ZNF385D: variants seen among roughly 807,000 people sequenced by gnomAD.
ZNF385D encodes zinc finger protein 385D.
Under a neutral mutation model 35.8 loss-of-function variants are expected in ZNF385D, and 15 were observed. The ratio of observed to expected loss-of-function variants is 0.42; its 90% confidence interval spans 0.28 to 0.64. ZNF385D has a LOEUF of 0.64. Among genes scored for constraint, ZNF385D ranks in the 30% least tolerant of loss-of-function variants. ZNF385D has a pLI of 0.23. For missense variants in ZNF385D, 474 were observed against 494.6 expected (o/e 0.96, Z 0.39); for synonymous variants, 212 against 186.8 (o/e 1.13, Z -1.10).
chr3:21,632,077 C>A (rs1226327939), intron 2 of ZNF385D, among the ~76,000 whole-genome samples: 4 of 152,014 alleles, frequency 2.6e-5, no homozygotes, highest in Non-Finnish European at 4.4e-5. Flanking sequence ...AGGCACTATT[C>A]TAGGCACTGT....
At chr3:22,357,087 T>C (rs1397551669) in intron 2 of ZNF385D, among the ~76,000 whole-genome samples, 1 of 151,956 alleles carries the variant, frequency 6.6e-6, no homozygotes. Flanking sequence ...TCATTGATTA[T>C]CAAGAAGTTC....
intron 3 of ZNF385D, among the ~76,000 whole-genome samples, chr3:21,806,745 A>G (rs1481616537): frequency 2.6e-5 from 4 of 152,202 alleles, no homozygotes; most frequent in African/African-American, 7.2e-5. Context: ...CTGGTTTACA[A>G]ACTACCCTAG....
chr3:21,754,509 G>A (rs1292718384), upstream of ZNF385D, among the ~76,000 whole-genome samples: 1 of 152,092 alleles, frequency 6.6e-6, no homozygotes, highest in Middle Eastern at 3.2e-3. Context: ...ATCATGGTTG[G>A]GTGAAAATTT....
intron 3 of ZNF385D, among the ~76,000 whole-genome samples, chr3:22,083,890 G>A (rs1434446301): frequency 6.6e-6 from 1 of 152,222 alleles, no homozygotes; most frequent in African/African-American, 2.4e-5. Context: ...TCTCTCAGCA[G>A]AAACTCTACA....
intron 3 of ZNF385D, among the ~76,000 whole-genome samples, chr3:22,081,697 T>C (rs972806185): frequency 1.3e-5 from 2 of 152,148 alleles, no homozygotes; most frequent in Admixed American, 6.5e-5. Context: ...ATACAAACCT[T>C]TCCACGGCAG....
chr3:21,716,992 G>C (rs976801449), intron 1 of ZNF385D, among the ~76,000 whole-genome samples: 3 of 152,098 alleles, frequency 2.0e-5, no homozygotes, highest in Admixed American at 6.6e-5. Flanking sequence ...ATGTGGTGTA[G>C]TGTGGTGATG....
chr3:22,260,890 T>C (rs1341201168), intron 2 of ZNF385D, among the ~76,000 whole-genome samples: 1 of 152,060 alleles, frequency 6.6e-6, no homozygotes, highest in Non-Finnish European at 1.5e-5. Flanking sequence ...ACAGTTTTAG[T>C]AGAACAATAA....
At chr3:21,862,816 C>G (rs1422077693) in intron 3 of ZNF385D, among the ~76,000 whole-genome samples, 1 of 152,106 alleles carries the variant, frequency 6.6e-6, no homozygotes, top group East Asian at 1.9e-4. Flanking sequence ...GCCAACAGCT[C>G]TTTGACCTAA....
chr3:22,331,522 A>G (rs1694936530), intron 2 of ZNF385D, among the ~76,000 whole-genome samples: 1 of 152,182 alleles, frequency 6.6e-6, no homozygotes, highest in Admixed American at 6.5e-5. Context: ...ATACTCGTAA[A>G]ACACTGCATT....
At chr3:21,988,890 G>C (rs550659178) in intron 3 of ZNF385D, among the ~76,000 whole-genome samples, 3 of 152,306 alleles carry the variant, frequency 2.0e-5, no homozygotes, top group South Asian at 4.1e-4. Context: ...TTTTTAAGCC[G>C]GTCTGAAAAG....
intron 4 of ZNF385D, among the ~76,000 whole-genome samples, chr3:21,482,686 G>C (rs769807759): frequency 2.2e-4 from 34 of 151,954 alleles, no homozygotes; most frequent in Admixed American, 9.8e-4. Context: ...CATCAAATTA[G>C]GTCAACCAAC....
intron 3 of ZNF385D, among the ~76,000 whole-genome samples, chr3:22,046,340 C>T (rs1338891490): frequency 1.3e-5 from 2 of 152,110 alleles, no homozygotes; most frequent in Admixed American, 6.6e-5. Context: ...TATCACTGTT[C>T]CGTAATACTC....
rs112647518 is a variant in ZNF385D at position 22,341,714 on chromosome 3, G to C, written c.106+30736C>G. 6.0e-4 allele frequency among the ~76,000 whole-genome samples: 92 copies of C among 152,230 alleles called. 2 individuals carry two copies. The highest frequency in any genetic ancestry group is 2.2e-3 in the African/African-American group (90 of 41,536). ...TGGAGGCTATAAAATGTAGGGATTA[G>C]GAGCATCAAACTCATAACTGCCTAT... On this transcript the variant is annotated intron_variant, in intron 2 of 5. Coordinates refer to the ZNF385D transcript ENST00000494108.
chr3:22,313,912 G>T (rs1027843873), intron 2 of ZNF385D, among the ~76,000 whole-genome samples: 2 of 152,070 alleles, frequency 1.3e-5, no homozygotes, highest in African/African-American at 4.8e-5. Flanking sequence ...TTCTTGGTTT[G>T]CTTCTTCATT....
At chr3:22,163,245 TCA>T (rs1706089729) in intron 3 of ZNF385D, among the ~76,000 whole-genome samples, 1 of 152,182 alleles carries the variant, frequency 6.6e-6, no homozygotes. Flanking sequence ...GATTCTTGAA[TCA>T]CACAGATTCT....
intron 3 of ZNF385D, among the ~76,000 whole-genome samples, chr3:22,059,569 G>A (rs911224554): frequency 6.6e-6 from 1 of 152,112 alleles, no homozygotes; most frequent in Non-Finnish European, 1.5e-5. Flanking sequence ...GGTGGTGAGT[G>A]GAATGTATAC....
intron 3 of ZNF385D, among the ~76,000 whole-genome samples, chr3:21,540,122 C>T (rs938785559): frequency 1.3e-5 from 2 of 152,120 alleles, no homozygotes; most frequent in African/African-American, 4.8e-5. Context: ...AATTCATATG[C>T]ATTTAGTTAG....
intron 3 of ZNF385D, among the ~76,000 whole-genome samples, chr3:21,799,100 A>C (rs2072283241): frequency 6.6e-6 from 1 of 152,170 alleles, no homozygotes; most frequent in Non-Finnish European, 1.5e-5. Context: ...CATGTTTTCA[A>C]GGTTCATCCA....
intron 3 of ZNF385D, among the ~76,000 whole-genome samples, chr3:21,876,467 A>G (rs1408008101): frequency 2.0e-5 from 3 of 151,434 alleles, no homozygotes; most frequent in Non-Finnish European, 4.4e-5. Flanking sequence ...AAAATTATAT[A>G]TAATATATAT....
Sources: gnomAD v4.1 joint callset for allele counts (sites outside exome capture counted in the v4.1 genomes callset) on GRCh38, gnomAD v4.1.1 for gene constraint, MANE v1.5 for transcripts, NCBI Gene and HGNC (gene_info 2026-07-23, HGNC 2026-07-21) for gene names.